The following KHDRBS2 variants were observed in gnomAD, a reference collection of about 807,000 sequenced individuals.
KHDRBS2 encodes KH RNA binding domain containing, signal transduction associated 2, also known as KH domain-containing, RNA-binding, signal transduction-associated protein 2.
KHDRBS2 carries 26 observed loss-of-function variants against 44.3 expected under a neutral mutation model. The ratio of observed to expected loss-of-function variants is 0.59; its 90% CI spans 0.43 to 0.81. The LOEUF is 0.81. Among genes scored for constraint, KHDRBS2 ranks in the 40% least tolerant of loss-of-function variants. The pLI is 0.00. For missense variants in KHDRBS2, 476 were observed against 433.1 expected, an observed-to-expected ratio of 1.10 and a Z score of -0.88; for synonymous variants, 194 against 151.1, an observed-to-expected ratio of 1.28 and a Z score of -2.08.
chr6:61,999,796 CT>C (rs907338929), intron 3 of KHDRBS2, among the ~76,000 whole-genome samples: 2 of 151,904 alleles, frequency 1.3e-5, no homozygotes, highest in Non-Finnish European at 2.9e-5. Context: ...ATCAAACTCA[CT>C]GTAATGAGTT....
chr6:62,138,835 A>G (rs1283853514), intron 2 of KHDRBS2, among the ~76,000 whole-genome samples: 7 of 152,236 alleles, frequency 4.6e-5, no homozygotes, highest in African/African-American at 1.7e-4. Flanking sequence ...ACAAGGTTAA[A>G]TATAAACAAA....
At chr6:62,238,588 A>G (rs544125779) in intron 1 of KHDRBS2, among the ~76,000 whole-genome samples, 1 of 152,234 alleles carries the variant, frequency 6.6e-6, no homozygotes, top group South Asian at 2.1e-4. Context: ...ACATGTAATT[A>G]TTAAATTACC....
At chr6:62,282,631 A>T (rs1841955764) in intron 1 of KHDRBS2, among the ~76,000 whole-genome samples, 1 of 152,112 alleles carries the variant, frequency 6.6e-6, no homozygotes, top group Non-Finnish European at 1.5e-5. Flanking sequence ...AGTTCAATAG[A>T]CTTAAGAACA....
the KHDRBS2 span, among the ~76,000 whole-genome samples, chr6:61,601,101 C>T: frequency 1.4e-4 from 22 of 152,206 alleles, no homozygotes; most frequent in South Asian, 4.1e-4. Context: ...GGTGGCAAGT[C>T]AATTGTGGGG....
At chr6:62,215,024 G>A (rs1402921233) in intron 1 of KHDRBS2, among the ~76,000 whole-genome samples, 1 of 151,748 alleles carries the variant, frequency 6.6e-6, no homozygotes, top group Non-Finnish European at 1.5e-5. Flanking sequence ...AATCTCAACA[G>A]TTTTGTTGAA....
At chr6:62,075,015 T>C (rs1355659675) in intron 2 of KHDRBS2, among the ~76,000 whole-genome samples, 1 of 151,970 alleles carries the variant, frequency 6.6e-6, no homozygotes, top group South Asian at 2.1e-4. Context: ...TGAACTTGTA[T>C]GTGTGTACAC....
intron 1 of KHDRBS2, among the ~76,000 whole-genome samples, chr6:62,205,318 C>A (rs1827760395): frequency 6.6e-6 from 1 of 152,026 alleles, no homozygotes; most frequent in Non-Finnish European, 1.5e-5. Flanking sequence ...ACAAGTGAGG[C>A]AAAATGAAAG....
At position 62,123,384 on chromosome 6, in the gene KHDRBS2, C is replaced by A. The variant is rs1439283706; in HGVS notation, c.219+53801G>T. 2.6e-5 allele frequency among the ~76,000 whole-genome samples: 4 copies of A among 152,288 alleles called. No homozygotes were observed. The East Asian group carries it at 5.8e-4, about 22-fold the overall frequency. On this transcript the variant is annotated intron_variant, in intron 2 of 8. Transcript: ENST00000281156. ...ATGTGTGCATGTGTCTTTATCACAG[C>A]ATGATTTATAAACTTTTGGGTATAT...
At chr6:61,606,496 G>A in the KHDRBS2 span, among the ~76,000 whole-genome samples, 1 of 152,160 alleles carries the variant, frequency 6.6e-6, no homozygotes, top group African/African-American at 2.4e-5. Flanking sequence ...ATTTTTAAAT[G>A]TGCAGAAGTG....
chr6:61,558,861 T>G, the KHDRBS2 span, among the ~76,000 whole-genome samples: 1 of 152,170 alleles, frequency 6.6e-6, no homozygotes. Context: ...TGACAATGAG[T>G]CATATGCTGA....
chr6:62,182,646 T>C (rs921156414), intron 1 of KHDRBS2, among the ~76,000 whole-genome samples: 13 of 152,048 alleles, frequency 8.5e-5, no homozygotes, highest in African/African-American at 2.9e-4. Flanking sequence ...AGTGGATGAA[T>C]TTTTTGAAGG....
intron 3 of KHDRBS2, among the ~76,000 whole-genome samples, chr6:62,006,178 A>C (rs912502406): frequency 6.6e-6 from 1 of 152,012 alleles, no homozygotes; most frequent in African/African-American, 2.4e-5. Context: ...GTAAAACAGC[A>C]AAGAAAACCT....
intron 2 of KHDRBS2, among the ~76,000 whole-genome samples, chr6:62,063,333 G>C (rs1159693614): frequency 6.6e-6 from 1 of 151,176 alleles, no homozygotes; most frequent in African/African-American, 2.4e-5. Flanking sequence ...CCGAACAAGA[G>C]AATTTTAGAC....
chr6:62,002,571 T>G (rs1448182030), intron 3 of KHDRBS2, among the ~76,000 whole-genome samples: 1 of 151,328 alleles, frequency 6.6e-6, no homozygotes, highest in Non-Finnish European at 1.5e-5. Context: ...TATATTACTC[T>G]TTTTAAAAAT....
At chr6:62,033,897 T>C (rs1283655140) in intron 3 of KHDRBS2, among the ~76,000 whole-genome samples, 5 of 150,720 alleles carry the variant, frequency 3.3e-5, no homozygotes, top group African/African-American at 7.3e-5. Context: ...GCCAGAATAA[T>C]TAAGGAAATA....
chr6:61,712,520 TGAA>T (rs1443893895), intron 7 of KHDRBS2, among the ~76,000 whole-genome samples: 2 of 151,832 alleles, frequency 1.3e-5, no homozygotes, highest in African/African-American at 4.8e-5. Flanking sequence ...AAAAATAGAA[TGAA>T]GTATTTGGGA....
At chr6:61,759,279 G>T (rs964126001) in intron 6 of KHDRBS2, among the ~76,000 whole-genome samples, 6 of 151,884 alleles carry the variant, frequency 4.0e-5, no homozygotes, top group Non-Finnish European at 8.8e-5. Context: ...TACACCAAAG[G>T]TATTTATATT....
chr6:61,658,836 A>G, the KHDRBS2 span, among the ~76,000 whole-genome samples: 1 of 151,612 alleles, frequency 6.6e-6, no homozygotes, highest in Admixed American at 6.6e-5. Context: ...GATTTACATT[A>G]ACTTTGTTCT....
At chr6:61,597,732 T>TATA in the KHDRBS2 span, among the ~76,000 whole-genome samples, 1 of 37,426 alleles carries the variant, frequency 2.7e-5, no homozygotes, top group Non-Finnish European at 5.4e-5. Context: ...TTTGCACCTT[T>TATA]TATATATATA....
Sources: gnomAD v4.1 joint callset for allele counts (sites outside exome capture counted in the v4.1 genomes callset) on GRCh38, gnomAD v4.1.1 for gene constraint, MANE v1.5 for transcripts, NCBI Gene and HGNC (gene_info 2026-07-23, HGNC 2026-07-21) for gene names.